Variants in SLC9C1 observed in about 807,000 individuals in gnomAD.
SLC9C1 encodes the protein sodium/hydrogen exchanger 10.
A neutral mutation model predicts 140.9 loss-of-function variants in SLC9C1; 97 were observed. The ratio of observed to expected loss-of-function variants is 0.69; its 90% CI spans 0.58 to 0.82. The LOEUF is 0.82. Among genes scored for constraint, SLC9C1 ranks in the 40% least tolerant of loss-of-function variants. The pLI, the probability that SLC9C1 is intolerant of heterozygous loss-of-function variation, is 0.00. For synonymous variants in SLC9C1, 440 were observed against 442.6 expected (o/e 0.99, Z 0.07); for missense variants, 1,340 against 1,389.3 (o/e 0.96, Z 0.56).
intron 20 of SLC9C1, among the ~76,000 whole-genome samples, chr3:112,198,411 TTTC>T (rs779282128): frequency 3.4e-4 from 52 of 152,010 alleles, no homozygotes; most frequent in Non-Finnish European, 5.7e-4. Context: ...TTCAATTTTC[TTTC>T]TTTTTTTTCT....
At chr3:112,165,556 G>A (rs553443162) in intron 26 of SLC9C1, among the ~76,000 whole-genome samples, 1 of 152,184 alleles carries the variant, frequency 6.6e-6, no homozygotes, top group Non-Finnish European at 1.5e-5. Flanking sequence ...GTTTGCCTGG[G>A]TATCAGCAGT....
chr3:112,274,450 T>A (rs2080160549), intron 6 of SLC9C1, among the ~76,000 whole-genome samples: 1 of 152,150 alleles, frequency 6.6e-6, no homozygotes. Context: ...TCTGGCCCTG[T>A]AGATGGCTAA....
rs562394251 is a variant in SLC9C1 at position 112,271,871 on chromosome 3, TAAAC to T, written c.614-1798_614-1795del. Reference sequence around the variant, plus strand: ...CATATGTTTTAGCTTTTCACCCTGATAAACAATGTTGCAATGTATATTTCTGTAC... The same window carrying T: ...CATATGTTTTAGCTTTTCACCCTGATAATGTTGCAATGTATATTTCTGTAC... On this transcript the variant is annotated intron_variant, in intron 6 of 28. Coordinates refer to ENST00000305815, the MANE Select transcript of SLC9C1 (RefSeq NM_183061.3). Among the ~76,000 whole-genome samples, 107 of 152,326 alleles carry T rather than the reference TAAAC, an allele frequency of 7.0e-4. 1 individual carries two copies. The highest frequency in any genetic ancestry group is 2.4e-3 in the African/African-American group (101 of 41,590).
At chr3:112,289,260 A>C (rs959424620) in intron 1 of SLC9C1, among the ~76,000 whole-genome samples, 1 of 152,218 alleles carries the variant, frequency 6.6e-6, no homozygotes, top group Non-Finnish European at 1.5e-5. Flanking sequence ...TCACCATGGG[A>C]AACCATGGGG....
intron 10 of SLC9C1, among the ~76,000 whole-genome samples, chr3:112,254,081 T>C (rs2079538555): frequency 6.6e-6 from 1 of 152,114 alleles, no homozygotes; most frequent in Non-Finnish European, 1.5e-5. Context: ...CTGAAAAATA[T>C]GGGATTATGT....
chr3:112,179,295 G>T (rs2077395476), intron 23 of SLC9C1, among the ~76,000 whole-genome samples: 1 of 151,848 alleles, frequency 6.6e-6, no homozygotes. Flanking sequence ...AGCTTATATT[G>T]CCAGTTTTTC....
chr3:112,164,192 A>G (rs1228938106), intron 26 of SLC9C1, among the ~76,000 whole-genome samples: 1 of 151,656 alleles, frequency 6.6e-6, no homozygotes, highest in East Asian at 1.9e-4. Context: ...GGTTTCCTGA[A>G]TACAGCACAC....
Position 112,225,368 on chromosome 3 carries a change from G to A in SLC9C1, c.1573-4143C>T, listed in dbSNP as rs56284645. Among the ~76,000 whole-genome samples, 82 of 152,114 alleles carry A rather than the reference G, an allele frequency of 5.4e-4. 1 individual carries two copies. The highest frequency in any genetic ancestry group is 9.7e-4 in the Non-Finnish European group (66 of 67,968). On this transcript the variant is annotated intron_variant, in intron 13 of 28. Coordinates refer to ENST00000305815, the MANE Select transcript of SLC9C1 (RefSeq NM_183061.3). ...TCACTAGACTGGACTCACAAGAAAT[G>A]CTTAAAAGTCCAATATCTGGAAGCA...
At chr3:112,240,596 G>C (rs372336611) in intron 11 of SLC9C1, among the ~76,000 whole-genome samples, 4 of 152,186 alleles carry the variant, frequency 2.6e-5, no homozygotes, top group African/African-American at 9.7e-5. Context: ...TCTTTGAGCA[G>C]GGACTTCAGT....
intron 28 of SLC9C1, among the ~76,000 whole-genome samples, chr3:112,145,825 A>C (rs1410559547): frequency 1.3e-5 from 2 of 152,040 alleles, no homozygotes; most frequent in African/African-American, 4.8e-5. Flanking sequence ...CGTGGGGGCA[A>C]GTCTTTCCTG....
chr3:112,142,400 ATGT>A (rs2074655516), intron 28 of SLC9C1, among the ~76,000 whole-genome samples: 1 of 152,170 alleles, frequency 6.6e-6, no homozygotes, highest in African/African-American at 2.4e-5. Flanking sequence ...TTTCCTAATC[ATGT>A]TGTACACATT....
chr3:112,163,843 C>T (rs1050022423), intron 26 of SLC9C1, among the ~76,000 whole-genome samples: 4 of 151,906 alleles, frequency 2.6e-5, no homozygotes, highest in African/African-American at 9.7e-5. Context: ...CTTTCTGTCT[C>T]GTTGATCTGT....
chr3:112,278,721 A>T lies in SLC9C1; in HGVS notation c.318+8T>A. The T allele has an allele frequency of 6.3e-7, 1 of 1,590,590 alleles. No individual in the cohort carries two copies. Among genetic ancestry groups the T allele is most frequent in the Non-Finnish European group, 8.5e-7 (1 of 1,173,534 alleles). On this transcript the variant is annotated splice_region_variant and intron_variant, in intron 4 of 28. Transcript: ENST00000305815. ...GAATGAATGATATTACCAAAAAAGA[A>T]TGCTTACCTGCCAAAATAACTTTTG...
intron 3 of SLC9C1, among the ~76,000 whole-genome samples, chr3:112,279,728 G>A (rs1249064884): frequency 6.6e-6 from 1 of 152,178 alleles, no homozygotes; most frequent in Non-Finnish European, 1.5e-5. Context: ...ACCCAATGTA[G>A]GTGCAGATTT....
intron 1 of SLC9C1, among the ~76,000 whole-genome samples, chr3:112,288,749 T>A (rs1357619838): frequency 6.6e-6 from 1 of 152,134 alleles, no homozygotes; most frequent in Non-Finnish European, 1.5e-5. Context: ...GACAGAGTGA[T>A]ACCTTGTCTC....
At chr3:112,268,929 C>G (rs1174131660) in intron 7 of SLC9C1, among the ~76,000 whole-genome samples, 1 of 152,158 alleles carries the variant, frequency 6.6e-6, no homozygotes. Context: ...TGTCAGGAAA[C>G]AGCAGTATGG....
chr3:112,151,440 G>A, intron 28 of SLC9C1: 1 of 519,086 alleles, frequency 1.9e-6, no homozygotes, highest in South Asian at 1.4e-5. Flanking sequence ...TATCCACAGT[G>A]TATCTTTTAT....
intron 28 of SLC9C1, chr3:112,151,519 C>G (rs1204127088): frequency 1.9e-6 from 1 of 522,268 alleles, no homozygotes; most frequent in Non-Finnish European, 3.8e-6. Context: ...GAAGTGAAGT[C>G]ATAACTTATC....
chr3:112,181,528 C>G (rs2077438557), intron 21 of SLC9C1, among the ~76,000 whole-genome samples: 1 of 152,096 alleles, frequency 6.6e-6, no homozygotes, highest in East Asian at 1.9e-4. Context: ...ATGCATTATG[C>G]AAAGTGCTAG....
Sources: allele counts gnomAD v4.1 joint callset (sites outside exome capture counted in the v4.1 genomes callset), GRCh38; gene constraint gnomAD v4.1.1; transcripts MANE v1.5; gene names NCBI Gene and HGNC (gene_info 2026-07-23, HGNC 2026-07-21).